The following LOC400499 variants were observed in gnomAD, a reference collection of about 807,000 sequenced individuals.
At chr16:11,412,416 C>T in the LOC400499 span, among the ~76,000 whole-genome samples, 1 of 152,202 alleles carries the variant, frequency 6.6e-6, no homozygotes, top group Non-Finnish European at 1.5e-5. Flanking sequence ...AAACTCGCCC[C>T]TAGGTGAGAA....
chr16:11,527,043 G>A, the LOC400499 span, among the ~76,000 whole-genome samples: 1 of 152,166 alleles, frequency 6.6e-6, no homozygotes, highest in Non-Finnish European at 1.5e-5. Flanking sequence ...CGCAATCCCC[G>A]GCGCATCTGG....
At chr16:11,492,826 G>A in the LOC400499 span, among the ~76,000 whole-genome samples, 1 of 152,012 alleles carries the variant, frequency 6.6e-6, no homozygotes, top group Non-Finnish European at 1.5e-5. Context: ...CTAAGGAAGG[G>A]AAAATGAAAT....
the LOC400499 span, among the ~76,000 whole-genome samples, chr16:11,457,890 A>G: frequency 1.3e-5 from 2 of 152,090 alleles, no homozygotes; most frequent in Admixed American, 6.5e-5. Context: ...AGGACATGCT[A>G]AGTAAAATAA....
chr16:11,380,149 T>A, the LOC400499 span, among the ~76,000 whole-genome samples: 304 of 152,276 alleles, frequency 2.0e-3, no homozygotes, highest in African/African-American at 7.1e-3. Context: ...AGATGTATAG[T>A]TATACATCTT....
the LOC400499 span, among the ~76,000 whole-genome samples, chr16:11,419,897 C>T: frequency 6.6e-6 from 1 of 151,296 alleles, no homozygotes; most frequent in African/African-American, 2.4e-5. Flanking sequence ...CAATGAGATA[C>T]CATCTCACAC....
At chr16:11,471,796 C>T in the LOC400499 span, 13 of 399,016 alleles carry the variant, frequency 3.3e-5, no homozygotes, top group South Asian at 5.1e-4. Context: ...AGTGCACAGT[C>T]GCCAGCCCCA....
At chr16:11,469,156 C>A in the LOC400499 span, 1 of 399,630 alleles carries the variant, frequency 2.5e-6, no homozygotes, top group South Asian at 1.2e-4. Context: ...CACAGGTGGG[C>A]CTAGGGTGTG....
the LOC400499 span, chr16:11,457,077 C>G: frequency 6.7e-7 from 1 of 1,482,970 alleles, no homozygotes; most frequent in Non-Finnish European, 8.9e-7. Flanking sequence ...CCAATGGGAT[C>G]ATGCCACCCC....
At chr16:11,502,617 C>CT in the LOC400499 span, among the ~76,000 whole-genome samples, 2,328 of 143,092 alleles carry the variant, frequency 0.016, 59 homozygotes, top group African/African-American at 0.041. Context: ...TATACATACT[C>CT]TTTTTTTTTT....
chr16:11,392,854 G>A, the LOC400499 span: 1 of 953,258 alleles, frequency 1.0e-6, no homozygotes, highest in Non-Finnish European at 1.2e-6. Context: ...TTTCGTTTTT[G>A]TTTTTGTTTT....
At chr16:11,510,744 C>A in the LOC400499 span, among the ~76,000 whole-genome samples, 1 of 151,568 alleles carries the variant, frequency 6.6e-6, no homozygotes, top group African/African-American at 2.4e-5. Context: ...AAAACACACT[C>A]CTGATGACCT....
the LOC400499 span, among the ~76,000 whole-genome samples, chr16:11,468,436 G>A: frequency 1.1e-4 from 16 of 152,162 alleles, no homozygotes; most frequent in Non-Finnish European, 2.2e-4. Flanking sequence ...CAATCCTCTT[G>A]CCTCAGTCTC....
At chr16:11,384,961 G>A in the LOC400499 span, 104 of 1,232,078 alleles carry the variant, frequency 8.4e-5, 1 homozygote, top group Middle Eastern at 6.2e-4. Context: ...CCCCGTCCTC[G>A]CTGGCCAGCT....
the LOC400499 span, among the ~76,000 whole-genome samples, chr16:11,387,629 G>A: frequency 3.5e-5 from 3 of 86,526 alleles, no homozygotes; most frequent in Non-Finnish European, 6.0e-5. Flanking sequence ...GAGCTGGAAG[G>A]TCTAGGAAAT....
chr16:11,466,903 T>C, the LOC400499 span, among the ~76,000 whole-genome samples: 1 of 150,878 alleles, frequency 6.6e-6, no homozygotes, highest in African/African-American at 2.4e-5. Context: ...TGCCAAGGTG[T>C]ACGTACGTAT....
the LOC400499 span, among the ~76,000 whole-genome samples, chr16:11,459,322 G>A: frequency 6.8e-5 from 10 of 148,114 alleles, no homozygotes; most frequent in African/African-American, 1.2e-4. Context: ...TCAGCCTCCC[G>A]AGTAGCTGGG....
At chr16:11,521,260 A>C in the LOC400499 span, among the ~76,000 whole-genome samples, 1 of 152,190 alleles carries the variant, frequency 6.6e-6, no homozygotes, top group African/African-American at 2.4e-5. Flanking sequence ...ATGAGACTCC[A>C]ACAGAAACTA....
chr16:11,430,310 AC>A, the LOC400499 span, among the ~76,000 whole-genome samples: 1 of 151,650 alleles, frequency 6.6e-6, no homozygotes, highest in Non-Finnish European at 1.5e-5. Context: ...ACCTGGTGAA[AC>A]CCCGTCTCTA....
the LOC400499 span, chr16:11,461,092 C>G: frequency 6.5e-7 from 1 of 1,535,846 alleles, no homozygotes. Flanking sequence ...CACCCTCCGT[C>G]CATTCTCCTC....
Sources: gnomAD v4.1 joint callset for allele counts (sites outside exome capture counted in the v4.1 genomes callset) on GRCh38, gnomAD v4.1.1 for gene constraint, MANE v1.5 for transcripts.